Variants in MMP16 observed in about 807,000 individuals in gnomAD.
MMP16 encodes the protein matrix metallopeptidase 16, also known as matrix metalloproteinase-16.
In MMP16, 12 loss-of-function variants were observed where a neutral mutation model predicts 67.8. That is an observed-to-expected ratio of 0.18 (90% CI 0.11 to 0.29). MMP16 has a LOEUF of 0.29. Ranked by LOEUF, MMP16 falls within the 10% of genes least tolerant of loss-of-function variation. The pLI, the probability that MMP16 is intolerant of heterozygous loss-of-function variation, is 1.00. For missense variants in MMP16, 475 were observed against 765.7 expected, an observed-to-expected ratio of 0.62 and a Z score of 4.48; for synonymous variants, 249 against 255.9, an observed-to-expected ratio of 0.97 and a Z score of 0.26.
chr8:88,292,320 G>A (rs1472233930), intron 1 of MMP16, among the ~76,000 whole-genome samples: 1 of 152,124 alleles, frequency 6.6e-6, no homozygotes, highest in Non-Finnish European at 1.5e-5. Flanking sequence ...GGATCCCCTT[G>A]AGAATCTGAG....
chr8:88,229,035 C>A (rs936809359), intron 1 of MMP16, among the ~76,000 whole-genome samples: 2 of 151,664 alleles, frequency 1.3e-5, no homozygotes, highest in African/African-American at 4.8e-5. Context: ...GTAGTACACA[C>A]CTGTAGTACC....
intron 4 of MMP16, among the ~76,000 whole-genome samples, chr8:88,159,944 G>GT (rs1389877795): frequency 7.4e-5 from 11 of 149,428 alleles, no homozygotes; most frequent in Non-Finnish European, 1.5e-4. Context: ...TTATTGATTT[G>GT]TTGTTTTTTT....
At chr8:88,321,268 A>G (rs1290530800) in intron 1 of MMP16, among the ~76,000 whole-genome samples, 2 of 152,136 alleles carry the variant, frequency 1.3e-5, no homozygotes, top group Non-Finnish European at 2.9e-5. Context: ...TTCACTACAA[A>G]ATATGTGTAT....
chr8:88,118,453 C>A (rs1809475734), intron 5 of MMP16, among the ~76,000 whole-genome samples: 1 of 151,924 alleles, frequency 6.6e-6, no homozygotes, highest in Non-Finnish European at 1.5e-5. Context: ...GCAGGTTTTT[C>A]AACCAAACTC....
At chr8:88,258,144 C>G (rs1810333284) in intron 1 of MMP16, among the ~76,000 whole-genome samples, 2 of 151,726 alleles carry the variant, frequency 1.3e-5, no homozygotes, top group South Asian at 4.1e-4. Context: ...CTCCCGGGTT[C>G]ACGTCAAATG....
At chr8:88,144,475 T>A (rs1293114087) in intron 4 of MMP16, among the ~76,000 whole-genome samples, 1 of 151,844 alleles carries the variant, frequency 6.6e-6, no homozygotes. Context: ...CTGGATAATG[T>A]ATATTATGAA....
intron 1 of MMP16, among the ~76,000 whole-genome samples, chr8:88,265,133 G>T (rs1163432901): frequency 1.3e-5 from 2 of 151,482 alleles, no homozygotes; most frequent in African/African-American, 4.9e-5. Flanking sequence ...AGTTTAATTT[G>T]GATATAATTA....
intron 4 of MMP16, among the ~76,000 whole-genome samples, chr8:88,148,697 A>G (rs922960310): frequency 6.6e-6 from 1 of 151,716 alleles, no homozygotes; most frequent in African/African-American, 2.4e-5. Flanking sequence ...AAAATATTCA[A>G]TAAAAATTGT....
At chr8:88,197,431 GTGTT>G in intron 1 of MMP16, 125 bp from the exon 2 acceptor site, 1 of 738,340 alleles carries the variant, frequency 1.4e-6, no homozygotes, top group Non-Finnish European at 1.9e-6. Flanking sequence ...AGTATTTTAA[GTGTT>G]TGATCTTTTT....
chr8:88,257,975 C>T (rs1048783933), intron 1 of MMP16, among the ~76,000 whole-genome samples: 2 of 151,794 alleles, frequency 1.3e-5, no homozygotes, highest in Admixed American at 6.6e-5. Context: ...AAGGAATAGT[C>T]ATAACACAGG....
chr8:88,107,912 T>A (rs902670966), intron 6 of MMP16, among the ~76,000 whole-genome samples: 1 of 151,166 alleles, frequency 6.6e-6, no homozygotes, highest in East Asian at 1.9e-4. Context: ...TTAACTTTAA[T>A]GTCTCTCTTT....
At chr8:88,224,203 G>C (rs1484559283) in intron 1 of MMP16, among the ~76,000 whole-genome samples, 1 of 151,932 alleles carries the variant, frequency 6.6e-6, no homozygotes, top group African/African-American at 2.4e-5. Context: ...TAAGAAAATT[G>C]GTCTGTTGCT....
At chr8:88,266,969 G>T (rs1471224721) in intron 1 of MMP16, among the ~76,000 whole-genome samples, 1 of 152,144 alleles carries the variant, frequency 6.6e-6, no homozygotes, top group Admixed American at 6.5e-5. Context: ...AGTCCCAAAT[G>T]CAGAAAGATC....
intron 6 of MMP16, among the ~76,000 whole-genome samples, chr8:88,095,930 G>A (rs1252357881): frequency 1.3e-5 from 2 of 152,046 alleles, no homozygotes; most frequent in East Asian, 3.9e-4. Flanking sequence ...ACTGTAACTT[G>A]TTCAAACTTT....
chr8:88,074,839 C>A, intron 6 of MMP16, 96 bp from the exon 7 acceptor site: 1 of 1,429,994 alleles, frequency 7.0e-7, no homozygotes, highest in Non-Finnish European at 9.5e-7. Flanking sequence ...AAGCTGGTTT[C>A]CTTATTTATT....
At chr8:88,255,703 C>T (rs1810289785) in intron 1 of MMP16, among the ~76,000 whole-genome samples, 1 of 152,158 alleles carries the variant, frequency 6.6e-6, no homozygotes, top group Non-Finnish European at 1.5e-5. Flanking sequence ...GTATGTTTTA[C>T]TCTGCCGAAG....
At chr8:88,305,363 A>T (rs555847144) in intron 1 of MMP16, among the ~76,000 whole-genome samples, 1 of 152,286 alleles carries the variant, frequency 6.6e-6, no homozygotes, top group Non-Finnish European at 1.5e-5. Flanking sequence ...TTAATACCCC[A>T]CTGACAATAT....
chr8:88,121,449 T>A (rs1273106436), intron 4 of MMP16, among the ~76,000 whole-genome samples: 1 of 152,034 alleles, frequency 6.6e-6, no homozygotes, highest in East Asian at 1.9e-4. Context: ...AGTTGTTCAA[T>A]AAAGTACTGC....
chr8:88,176,227 A>C (rs78054871), intron 3 of MMP16, among the ~76,000 whole-genome samples: 2,135 of 152,330 alleles, frequency 0.014, 57 homozygotes, highest in African/African-American at 0.048. Flanking sequence ...TGTGTTTATC[A>C]ATGACCTGAA....
Sources: gnomAD v4.1 joint callset for allele counts (sites outside exome capture counted in the v4.1 genomes callset) on GRCh38, gnomAD v4.1.1 for gene constraint, MANE v1.5 for transcripts, NCBI Gene and HGNC (gene_info 2026-07-23, HGNC 2026-07-21) for gene names.